The following TPP2 variants were observed in gnomAD, a reference collection of about 807,000 sequenced individuals.
TPP2 encodes tripeptidyl peptidase 2.
Under a neutral mutation model 155.9 loss-of-function variants are expected in TPP2, and 34 were observed. The observed-to-expected ratio is 0.22, with a 90% confidence interval of 0.17 to 0.29. The LOEUF (loss-of-function observed/expected upper bound fraction) is 0.29, where lower values mean the gene tolerates loss of function less well. Among genes scored for constraint, TPP2 ranks in the 10% least tolerant of loss-of-function variants. The pLI, the probability that TPP2 is intolerant of heterozygous loss-of-function variation, is 1.00. For missense variants in TPP2, 1,028 were observed against 1,522.3 expected (o/e 0.68, Z 5.40); for synonymous variants, 510 against 529.4 (o/e 0.96, Z 0.50).
intron 25 of TPP2, among the ~76,000 whole-genome samples, chr13:102,658,838 C>G (rs1282981498): frequency 1.3e-5 from 2 of 152,178 alleles, no homozygotes; most frequent in Admixed American, 6.5e-5. Flanking sequence ...GTTGCAGCGG[C>G]TCAGTTCCAG....
intron 27 of TPP2, chr13:102,667,883 G>T: frequency 1.0e-6 from 1 of 952,970 alleles, no homozygotes; most frequent in Non-Finnish European, 1.2e-6. Flanking sequence ...CTCAGACACA[G>T]GTATCCAGTG....
chr13:102,629,682 C>A (rs1881883959), intron 9 of TPP2, 73 bp downstream of exon 9: 2 of 1,503,648 alleles, frequency 1.3e-6, no homozygotes, highest in Admixed American at 5.4e-5. Context: ...TGAAATGTTA[C>A]CTGTATCTCT....
intron 10 of TPP2, among the ~76,000 whole-genome samples, chr13:102,633,538 G>A (rs1426723970): frequency 6.6e-6 from 1 of 151,642 alleles, no homozygotes; most frequent in Non-Finnish European, 1.5e-5. Flanking sequence ...AATTTATATG[G>A]CCCACATTAT....
At chr13:102,625,161 TAAC>T (rs796240138) in intron 6 of TPP2, among the ~76,000 whole-genome samples, 9 of 110,082 alleles carry the variant, frequency 8.2e-5, no homozygotes, top group African/African-American at 3.1e-4. Flanking sequence ...CCCGGCCACT[TAAC>T]TTTTTTTTTT....
chr13:102,646,894 T>A (rs1049550793), intron 20 of TPP2, among the ~76,000 whole-genome samples: 3 of 152,200 alleles, frequency 2.0e-5, no homozygotes, highest in Admixed American at 1.3e-4. Flanking sequence ...TTGGTTATAA[T>A]GTTAGGGAAA....
rs763418725 is a variant in TPP2 at position 102,649,497 on chromosome 13, GT to G, written c.2952+17del. ...CTAGGAAAGAAAGCTGTAAGTATTA[GT>G]TTTTTAAACACTGAAATTACCTATT... On this transcript the variant is annotated intron_variant, in intron 23 of 29. Coordinates refer to ENST00000376052, the MANE Select transcript of TPP2 (RefSeq NM_001330588.2). 6.3e-6 allele frequency: 10 copies of G among 1,599,068 alleles called. 1 individual carries two copies. In the South Asian group the frequency reaches 1.0e-4, roughly 16 times the overall value.
intron 16 of TPP2, among the ~76,000 whole-genome samples, chr13:102,642,472 T>A (rs1882829767): frequency 6.6e-6 from 1 of 152,126 alleles, no homozygotes; most frequent in Non-Finnish European, 1.5e-5. Context: ...AGAATGCAAG[T>A]AGTTAAGAGA....
chr13:102,664,685 GTT>G, intron 26 of TPP2, 108 bp from the exon 27 acceptor site: 1 of 1,121,538 alleles, frequency 8.9e-7, no homozygotes, highest in Non-Finnish European at 1.2e-6. Flanking sequence ...CAATTACATA[GTT>G]TACTCACACT....
chr13:102,607,035 AG>A (rs1419687995), intron 2 of TPP2, among the ~76,000 whole-genome samples: 2 of 152,188 alleles, frequency 1.3e-5, no homozygotes, highest in Non-Finnish European at 2.9e-5. Flanking sequence ...CTCTCTCTAG[AG>A]CAAGCTCTTT....
chr13:102,650,521 A>G lies in TPP2; in HGVS notation c.2953-838A>G, dbSNP rs9518801. On this transcript the variant is annotated intron_variant, in intron 23 of 29. Transcript: ENST00000376052. ...TTAGTATAATTTGAAGTAAATCAAT[A>G]GTTAATGGTTTGTAATTAATACATG... Among the ~76,000 whole-genome samples the G allele has an allele frequency of 2.5e-3, 376 of 152,314 alleles. 1 individual carries two copies. Among genetic ancestry groups the G allele is most frequent in the Non-Finnish European group, 3.7e-3 (250 of 68,008 alleles).
chr13:102,603,201 T>C (rs1462994008), intron 1 of TPP2, among the ~76,000 whole-genome samples: 3 of 152,250 alleles, frequency 2.0e-5, no homozygotes, highest in Non-Finnish European at 4.4e-5. Context: ...AGTAATGAAG[T>C]ATTCATTGAA....
At chr13:102,660,859 C>T (rs148857996) in intron 25 of TPP2, among the ~76,000 whole-genome samples, 164 of 152,214 alleles carry the variant, frequency 1.1e-3, no homozygotes, top group African/African-American at 3.7e-3. Flanking sequence ...TTAGTTTTGG[C>T]AAGGGTGCTG....
chr13:102,631,076 T>C (rs1175757192), intron 10 of TPP2, among the ~76,000 whole-genome samples: 2 of 152,226 alleles, frequency 1.3e-5, no homozygotes, highest in African/African-American at 4.8e-5. Flanking sequence ...AAAGGAGTTC[T>C]ATATGCCAAG....
intron 27 of TPP2, among the ~76,000 whole-genome samples, chr13:102,672,125 A>G (rs1885020691): frequency 6.6e-6 from 1 of 152,112 alleles, no homozygotes; most frequent in South Asian, 2.1e-4. Context: ...ACTATGGCCG[A>G]GTGACAGATG....
At chr13:102,608,660 T>C (rs1360589563) in intron 2 of TPP2, among the ~76,000 whole-genome samples, 1 of 152,156 alleles carries the variant, frequency 6.6e-6, no homozygotes, top group Non-Finnish European at 1.5e-5. Context: ...GTATGCAACA[T>C]TTTATCTCTG....
rs749019061 is a variant in TPP2, at chr13:102,596,996, C to G, written c.-43C>G. 7.5e-6 allele frequency: 12 copies of G among 1,598,758 alleles called. No homozygotes were observed. The Admixed American group carries it at 8.4e-5, about 11-fold the overall frequency. ...TGTCCTCGCGCTGCTAGTCCGCGCGCAGCCTGGCAGTTTGCCGCTTCCTCG... is the reference window on the plus strand; with the variant it reads ...TGTCCTCGCGCTGCTAGTCCGCGCGGAGCCTGGCAGTTTGCCGCTTCCTCG... On this transcript the variant is annotated 5_prime_UTR_variant, in exon 1 of 30. Transcript: ENST00000376052.
In TPP2 at chr13:102,647,211, A is replaced by G; in HGVS notation, c.2495A>G (p.Lys832Arg). 6.2e-7 allele frequency: 1 copy of G among 1,611,176 alleles called. No individual in the cohort carries two copies. The highest frequency in any genetic ancestry group is 8.5e-7 in the Non-Finnish European group (1 of 1,178,872). The change falls in exon 21 of 30, where the codon AAG becomes AGG. Residue 832 changes from lysine (K) to arginine (R), a missense_variant. Around this residue, in one of 7 missense-constraint regions of TPP2, gnomAD observed 325 missense variants for 463.7 expected, o/e 0.70. Coordinates refer to ENST00000376052, the MANE Select transcript of TPP2 (RefSeq NM_001330588.2). ...MVLTYNFHQP[K>R]SGEVTPSCPL... ...ATCTTTTTTGTTTTTTAATAGCCCA[A>G]GAGTGGGGAAGTAACTCCAAGCTGC...
intron 6 of TPP2, among the ~76,000 whole-genome samples, chr13:102,624,341 C>G (rs1257476892): frequency 6.6e-6 from 1 of 152,134 alleles, no homozygotes; most frequent in African/African-American, 2.4e-5. Flanking sequence ...CCCCTCCTAC[C>G]TCCCAGTTCA....
intron 10 of TPP2, among the ~76,000 whole-genome samples, chr13:102,630,535 T>A (rs1343475162): frequency 6.6e-6 from 1 of 152,160 alleles, no homozygotes; most frequent in East Asian, 1.9e-4. Context: ...TATTTGAACT[T>A]TGGTGAAATG....
Sources: allele counts gnomAD v4.1 joint callset (sites outside exome capture counted in the v4.1 genomes callset), GRCh38; gene constraint gnomAD v4.1.1; regional missense constraint gnomAD v4.1.1; transcripts MANE v1.5; gene names NCBI Gene and HGNC (gene_info 2026-07-23, HGNC 2026-07-21).